Variants in MYO1D observed in about 807,000 individuals in gnomAD.
MYO1D encodes the protein myosin ID.
In MYO1D, 83 loss-of-function variants were observed where a neutral mutation model predicts 122.0. That is an observed-to-expected ratio of 0.68 (90% confidence interval 0.57 to 0.82). MYO1D has a LOEUF of 0.82. Among genes scored for constraint, MYO1D ranks in the 40% least tolerant of loss-of-function variants. MYO1D has a pLI of 0.00. For synonymous variants in MYO1D, 464 were observed against 446.9 expected (o/e 1.04, Z -0.48); for missense variants, 1,157 against 1,269.5 (o/e 0.91, Z 1.35).
chr17:32,556,551 ATTTTTTT>A (rs66782964), intron 21 of MYO1D, among the ~76,000 whole-genome samples: 1 of 139,582 alleles, frequency 7.2e-6, no homozygotes, highest in Non-Finnish European at 1.5e-5. Flanking sequence ...TATGGCCACA[ATTTTTTT>A]TTTTTTTTTT....
chr17:32,643,380 T>C (rs942045776), intron 19 of MYO1D, among the ~76,000 whole-genome samples: 6 of 152,212 alleles, frequency 3.9e-5, no homozygotes, highest in South Asian at 2.1e-4. Context: ...TGGTCTAAAA[T>C]TCTCTTTTTT....
chr17:32,683,526 G>A (rs1433674597), intron 16 of MYO1D, among the ~76,000 whole-genome samples: 55 of 152,176 alleles, frequency 3.6e-4, no homozygotes, highest in Non-Finnish European at 6.9e-4. Context: ...GTGTCAGTGT[G>A]CCCCTGCTGG....
Position 32,521,965 on chromosome 17 carries a change from C to T in MYO1D, c.2865-27050G>A, listed in dbSNP as rs964349501. ...GGTGCAGTGGCAGGCGCCTGTAATC[C>T]CAGCTACTCAGGAGGCTGAGGCAGG... is the stretch of plus-strand genomic sequence containing the variant. On this transcript the variant is annotated intron_variant, in intron 21 of 21. Coordinates refer to ENST00000318217, the MANE Select transcript of MYO1D (RefSeq NM_015194.3). 4.6e-5 allele frequency among the ~76,000 whole-genome samples: 7 copies of T among 151,566 alleles called. No homozygotes were observed. In the South Asian group the frequency reaches 1.5e-3, roughly 32 times the overall value.
At chr17:32,712,589 A>C (rs1218576329) in intron 15 of MYO1D, among the ~76,000 whole-genome samples, 1 of 152,206 alleles carries the variant, frequency 6.6e-6, no homozygotes, top group Admixed American at 6.5e-5. Context: ...ATAATTGGTA[A>C]ATGACTGACA....
intron 21 of MYO1D, among the ~76,000 whole-genome samples, chr17:32,561,822 T>C (rs577516828): frequency 6.6e-6 from 1 of 152,188 alleles, no homozygotes; most frequent in African/African-American, 2.4e-5. Context: ...CATAGAAATA[T>C]TATATTTTAC....
intron 21 of MYO1D, among the ~76,000 whole-genome samples, chr17:32,541,707 C>T (rs1201026873): frequency 6.6e-6 from 1 of 152,146 alleles, no homozygotes; most frequent in Non-Finnish European, 1.5e-5. Context: ...AACTTTTGCA[C>T]AGGACCTGGC....
intron 20 of MYO1D, among the ~76,000 whole-genome samples, chr17:32,623,016 T>G (rs1015745504): frequency 1.4e-4 from 21 of 152,222 alleles, no homozygotes; most frequent in Non-Finnish European, 2.4e-4. Flanking sequence ...ATAAGATATT[T>G]TTACAACTCA....
At chr17:32,759,653 C>T (rs1403501135) in intron 10 of MYO1D, among the ~76,000 whole-genome samples, 8 of 152,070 alleles carry the variant, frequency 5.3e-5, no homozygotes, top group Non-Finnish European at 4.4e-5. Context: ...AAAAACCAAA[C>T]AAGTCATGCC....
chr17:32,634,437 C>T (rs182074714), intron 20 of MYO1D, among the ~76,000 whole-genome samples: 2 of 152,118 alleles, frequency 1.3e-5, no homozygotes, highest in Non-Finnish European at 2.9e-5. Context: ...CACTGGTGAC[C>T]CATGGGAGAT....
At chr17:32,812,872 A>G (rs2090583973) in intron 1 of MYO1D, among the ~76,000 whole-genome samples, 1 of 152,236 alleles carries the variant, frequency 6.6e-6, no homozygotes, top group South Asian at 2.1e-4. Context: ...TAGACTAGGT[A>G]GAGACTTTAT....
intron 21 of MYO1D, among the ~76,000 whole-genome samples, chr17:32,598,806 C>CATA (rs1284565420): frequency 2.0e-5 from 3 of 152,132 alleles, no homozygotes; most frequent in Admixed American, 2.0e-4. Flanking sequence ...TTAAAAAGAA[C>CATA]ATAAGCAAAC....
chr17:32,679,161 C>T (rs1341682286), intron 16 of MYO1D, among the ~76,000 whole-genome samples: 5 of 151,740 alleles, frequency 3.3e-5, no homozygotes, highest in Non-Finnish European at 5.9e-5. Flanking sequence ...GGATATTAGC[C>T]CTTTGTCAGA....
At chr17:32,679,487 G>C (rs2088874495) in intron 16 of MYO1D, among the ~76,000 whole-genome samples, 5 of 152,024 alleles carry the variant, frequency 3.3e-5, no homozygotes, top group Admixed American at 3.3e-4. Flanking sequence ...TGGCTAGCCA[G>C]TTTTCCCAGC....
At chr17:32,651,768 C>A (rs1430811411) in intron 19 of MYO1D, among the ~76,000 whole-genome samples, 1 of 151,258 alleles carries the variant, frequency 6.6e-6, no homozygotes, top group Admixed American at 6.6e-5. Context: ...CTCTGCTTCC[C>A]GGGTTCAAGC....
At chr17:32,509,101 T>C (rs1290450731) in intron 21 of MYO1D, among the ~76,000 whole-genome samples, 1 of 152,148 alleles carries the variant, frequency 6.6e-6, no homozygotes, top group Non-Finnish European at 1.5e-5. Context: ...TGTTAAGAAG[T>C]GAGGCAAGTG....
At chr17:32,827,610 T>TA (rs2090734389) in intron 1 of MYO1D, among the ~76,000 whole-genome samples, 1 of 152,206 alleles carries the variant, frequency 6.6e-6, no homozygotes, top group Admixed American at 6.5e-5. Context: ...AAGCATTTTG[T>TA]AAAAAATGTT....
chr17:32,717,479 CAT>C (rs1356600254), intron 15 of MYO1D, among the ~76,000 whole-genome samples: 11 of 152,324 alleles, frequency 7.2e-5, no homozygotes, highest in African/African-American at 2.2e-4. Flanking sequence ...TATCCTGCCA[CAT>C]GTTTCCTTTC....
intron 13 of MYO1D, among the ~76,000 whole-genome samples, chr17:32,742,699 C>T (rs1389801244): frequency 6.6e-6 from 1 of 152,212 alleles, no homozygotes; most frequent in Non-Finnish European, 1.5e-5. Context: ...AGTCCCTTTT[C>T]CCCATGCCCA....
intron 21 of MYO1D, among the ~76,000 whole-genome samples, chr17:32,581,754 T>G (rs1401620926): frequency 1.3e-5 from 2 of 151,822 alleles, no homozygotes; most frequent in Non-Finnish European, 2.9e-5. Flanking sequence ...TGTGTGTGTG[T>G]GTGTGTGTGT....
Sources: gnomAD v4.1 joint callset for allele counts (sites outside exome capture counted in the v4.1 genomes callset) on GRCh38, gnomAD v4.1.1 for gene constraint, MANE v1.5 for transcripts, NCBI Gene and HGNC (gene_info 2026-07-23, HGNC 2026-07-21) for gene names.